Variants in PRKG1 observed in about 807,000 individuals in gnomAD.
The protein encoded by PRKG1 is protein kinase cGMP-dependent 1.
Under a neutral mutation model 88.1 loss-of-function variants are expected in PRKG1, and 35 were observed. The ratio of observed to expected loss-of-function variants is 0.40; its 90% confidence interval spans 0.30 to 0.53. The LOEUF (loss-of-function observed/expected upper bound fraction) is 0.53. Among genes scored for constraint, PRKG1 ranks in the 20% least tolerant of loss-of-function variants. The pLI, the probability that PRKG1 is intolerant of heterozygous loss-of-function variation, is 0.59. For missense variants in PRKG1, 540 were observed against 839.8 expected (o/e 0.64, Z 4.41); for synonymous variants, 303 against 292.5 (o/e 1.04, Z -0.37).
chr10:51,671,566 C>T (rs1348554388), intron 3 of PRKG1, among the ~76,000 whole-genome samples: 1 of 151,368 alleles, frequency 6.6e-6, no homozygotes, highest in Admixed American at 6.6e-5. Flanking sequence ...GTCTCAGTGC[C>T]TCTTCTTCTC....
At chr10:51,443,817 G>A (rs1834081362) in intron 2 of PRKG1, among the ~76,000 whole-genome samples, 1 of 151,976 alleles carries the variant, frequency 6.6e-6, no homozygotes, top group Admixed American at 6.6e-5. Flanking sequence ...ACAGACATCA[G>A]TACTTACAAA....
At chr10:51,975,317 C>G (rs774802096) in intron 5 of PRKG1, among the ~76,000 whole-genome samples, 1 of 151,950 alleles carries the variant, frequency 6.6e-6, no homozygotes, top group Non-Finnish European at 1.5e-5. Flanking sequence ...ACAGAAGCAG[C>G]CTTCGCATGG....
chr10:51,335,551 A>G (rs1455567963), intron 2 of PRKG1, among the ~76,000 whole-genome samples: 1 of 150,948 alleles, frequency 6.6e-6, no homozygotes. Flanking sequence ...TTTTTTTTTG[A>G]GATAAAGTCT....
intron 2 of PRKG1, among the ~76,000 whole-genome samples, chr10:51,385,985 T>A (rs1011427144): frequency 6.6e-6 from 1 of 152,202 alleles, no homozygotes; most frequent in African/African-American, 2.4e-5. Context: ...GAAAGAATCA[T>A]GAGTTAAATT....
chr10:51,618,248 A>G (rs2132256839), intron 3 of PRKG1, among the ~76,000 whole-genome samples: 1 of 152,312 alleles, frequency 6.6e-6, no homozygotes, highest in Middle Eastern at 3.4e-3. Flanking sequence ...TCCCTGGGAA[A>G]ACTGGTCTTT....
At chr10:51,841,647 T>C (rs1244132842) in intron 4 of PRKG1, among the ~76,000 whole-genome samples, 2 of 89,400 alleles carry the variant, frequency 2.2e-5, no homozygotes, top group African/African-American at 1.1e-4. Flanking sequence ...TGTGACTGAA[T>C]TTGTTAAAAA....
chr10:52,093,974 G>A (rs1847116130), intron 7 of PRKG1, among the ~76,000 whole-genome samples: 1 of 152,092 alleles, frequency 6.6e-6, no homozygotes. Flanking sequence ...AACCCCTATG[G>A]TTGCAGAAAT....
intron 10 of PRKG1, among the ~76,000 whole-genome samples, chr10:52,255,560 A>G (rs1841287647): frequency 6.6e-6 from 1 of 152,082 alleles, no homozygotes. Flanking sequence ...TTTCTGCATC[A>G]GTTATTATGT....
At chr10:51,332,851 T>C (rs1336173109) in intron 2 of PRKG1, among the ~76,000 whole-genome samples, 2 of 152,352 alleles carry the variant, frequency 1.3e-5, no homozygotes, top group East Asian at 3.9e-4. Flanking sequence ...CCAGGCAGCC[T>C]TCTGTTGGTC....
Position 52,182,990 on chromosome 10 carries a change from G to A in PRKG1, c.1076+21027G>A, listed in dbSNP as rs139195888. Among the ~76,000 whole-genome samples, 419 of 152,252 alleles carry A rather than the reference G, an allele frequency of 2.8e-3. 1 individual carries two copies. The highest frequency in any genetic ancestry group is 9.8e-3 in the African/African-American group (406 of 41,552). ...TAAAGGGGGAGCAAGCATTTTATAT[G>A]ATGAGAGAGGGATAAAGAGATAGAG... On this transcript the variant is annotated intron_variant, in intron 9 of 17. Transcript: ENST00000373980.
At chr10:51,967,207 A>G (rs563753046) in intron 5 of PRKG1, among the ~76,000 whole-genome samples, 2 of 152,346 alleles carry the variant, frequency 1.3e-5, no homozygotes, top group East Asian at 1.9e-4. Context: ...TGGCACGTAT[A>G]TACCAATGGA....
chr10:51,667,962 C>A (rs1840463604), intron 3 of PRKG1, among the ~76,000 whole-genome samples: 1 of 151,682 alleles, frequency 6.6e-6, no homozygotes, highest in South Asian at 2.1e-4. Context: ...GAGAATTTTC[C>A]AGCTCTTTTT....
intron 5 of PRKG1, among the ~76,000 whole-genome samples, chr10:51,944,572 G>T (rs1328236283): frequency 2.0e-5 from 3 of 152,020 alleles, no homozygotes; most frequent in Non-Finnish European, 2.9e-5. Context: ...GATCTTTCCT[G>T]CTTTCTCTTG....
At chr10:51,603,122 TA>T (rs1169849407) in intron 3 of PRKG1, among the ~76,000 whole-genome samples, 1 of 151,986 alleles carries the variant, frequency 6.6e-6, no homozygotes, top group Non-Finnish European at 1.5e-5. Context: ...CATGCCTGGC[TA>T]ATTTTTGTAT....
chr10:51,511,740 A>G (rs1393648082), intron 3 of PRKG1, among the ~76,000 whole-genome samples: 1 of 152,184 alleles, frequency 6.6e-6, no homozygotes, highest in Non-Finnish European at 1.5e-5. Context: ...GTAAATTGTT[A>G]CCCTCTCTTT....
At chr10:51,594,889 A>G (rs1431817558) in intron 3 of PRKG1, among the ~76,000 whole-genome samples, 2 of 152,188 alleles carry the variant, frequency 1.3e-5, no homozygotes, top group Admixed American at 1.3e-4. Flanking sequence ...ACTCAACCAA[A>G]AAGGCATAGG....
rs1303155687 is a variant in PRKG1, at chr10:51,903,118, A to G, written c.699-4389A>G. On this transcript the variant is annotated intron_variant, in intron 4 of 17. Transcript: ENST00000373980. Reference sequence around the variant, plus strand: ...AAAATTACTAAGATGAATTAAGAAAATGGGACATCTACTAATACAGCTGTC... The same window carrying G: ...AAAATTACTAAGATGAATTAAGAAAGTGGGACATCTACTAATACAGCTGTC... Among the ~76,000 whole-genome samples, 5 of 152,174 alleles carry G rather than the reference A, an allele frequency of 3.3e-5. No individual in the cohort carries two copies. In the East Asian group the frequency reaches 5.8e-4, roughly 18 times the overall value.
chr10:51,806,398 G>A (rs1029198751), intron 4 of PRKG1, among the ~76,000 whole-genome samples: 2 of 152,230 alleles, frequency 1.3e-5, no homozygotes, highest in Admixed American at 1.3e-4. Flanking sequence ...ACGCACGTGT[G>A]TATGTGTGTG....
intron 2 of PRKG1, among the ~76,000 whole-genome samples, chr10:51,393,107 C>T (rs1405081629): frequency 7.3e-6 from 1 of 137,554 alleles, no homozygotes. Context: ...TCAGACGGGG[C>T]GGTTGCCGGG....
Sources: allele counts gnomAD v4.1 joint callset (sites outside exome capture counted in the v4.1 genomes callset), GRCh38; gene constraint gnomAD v4.1.1; transcripts MANE v1.5; gene names NCBI Gene and HGNC (gene_info 2026-07-23, HGNC 2026-07-21).